The following RBFOX3 variants were observed in gnomAD, a reference collection of about 807,000 sequenced individuals.
RBFOX3 encodes the protein RNA binding protein fox-1 homolog 3.
Under a neutral mutation model 48.7 loss-of-function variants are expected in RBFOX3, and 17 were observed. The ratio of observed to expected loss-of-function variants is 0.35; its 90% confidence interval spans 0.24 to 0.52. The LOEUF (loss-of-function observed/expected upper bound fraction) is 0.52. RBFOX3 is among the 20% of genes least tolerant of loss of function. The pLI is 0.94. For missense variants in RBFOX3, 382 were observed against 497.5 expected (o/e 0.77, Z 2.21); for synonymous variants, 212 against 209.5 (o/e 1.01, Z -0.10).
chr17:79,144,286 C>A (rs980258777), intron 4 of RBFOX3, among the ~76,000 whole-genome samples: 2 of 152,264 alleles, frequency 1.3e-5, no homozygotes, highest in Non-Finnish European at 2.9e-5. Context: ...CCCGCTCTAC[C>A]CCCGCCCCAT....
At chr17:79,627,244 G>A in the RBFOX3 span, among the ~76,000 whole-genome samples, 1 of 152,160 alleles carries the variant, frequency 6.6e-6, no homozygotes, top group Non-Finnish European at 1.5e-5. Context: ...TTTGACCAGT[G>A]CCTCCACCTG....
At chr17:79,539,873 A>G (rs1323926679) in intron 1 of RBFOX3, among the ~76,000 whole-genome samples, 1 of 152,234 alleles carries the variant, frequency 6.6e-6, no homozygotes, top group Non-Finnish European at 1.5e-5. Flanking sequence ...TGAATCTCAG[A>G]TGAACACGGT....
intron 2 of RBFOX3, among the ~76,000 whole-genome samples, chr17:79,426,770 T>C (rs986256400): frequency 2.6e-5 from 4 of 152,146 alleles, no homozygotes; most frequent in Admixed American, 6.5e-5. Context: ...AGTGGTGTGA[T>C]CTTAGCTCAC....
intron 4 of RBFOX3, among the ~76,000 whole-genome samples, chr17:79,189,961 C>A (rs1567812487): frequency 6.6e-6 from 1 of 152,246 alleles, no homozygotes; most frequent in Non-Finnish European, 1.5e-5. Context: ...GCAGGGATCG[C>A]ACCAGCCAAG....
intron 2 of RBFOX3, among the ~76,000 whole-genome samples, chr17:79,320,865 C>T (rs779559049): frequency 1.1e-4 from 17 of 152,170 alleles, no homozygotes; most frequent in African/African-American, 1.7e-4. Flanking sequence ...CTGTCACCAT[C>T]GCTAACAGGT....
intron 3 of RBFOX3, among the ~76,000 whole-genome samples, chr17:79,263,592 C>A (rs2066161512): frequency 6.6e-6 from 1 of 152,108 alleles, no homozygotes; most frequent in African/African-American, 2.4e-5. Flanking sequence ...GCCACCCCCA[C>A]CTGCTCTCTA....
At chr17:79,283,168 G>C (rs1234565736) in intron 3 of RBFOX3, among the ~76,000 whole-genome samples, 1 of 152,080 alleles carries the variant, frequency 6.6e-6, no homozygotes, top group Admixed American at 6.6e-5. Flanking sequence ...CCGTTAGTAG[G>C]TTTTGCTTCC....
In RBFOX3 at chr17:79,535,184, C is replaced by T. The variant is rs2088509797; in HGVS notation, c.-319-52586G>A. On this transcript the variant is annotated intron_variant, in intron 1 of 14. Coordinates refer to ENST00000693108, the MANE Select transcript of RBFOX3 (RefSeq NM_001350451.2). The surrounding 1 kb of genome is among the most constrained non-coding windows in gnomAD (Gnocchi z 4.5). The stretch of plus-strand genomic sequence containing the variant: ...GTCCTGTCTCCTGCCTGCTCTGCTA[C>T]CCTCAATGTAGGCCTCCCCCTTGGG... Among the ~76,000 whole-genome samples, 1 of 152,172 alleles carries T rather than the reference C, an allele frequency of 6.6e-6. No individual in the cohort carries two copies. Among genetic ancestry groups the T allele is most frequent in the Non-Finnish European group, 1.5e-5 (1 of 68,034 alleles).
rs2071682981 is a variant in RBFOX3, at chr17:79,285,625, A to AGTCATATTTTGTCATATG, written c.-74+22098_-74+22099insCATATGACAAAATATGAC. ...TTCCCGAAGATCCACTGACAGTGCC[A>AGTCATATTTTGTCATATG]GAAACCACCTGCTCCTTTATCTGCT... On this transcript the variant is annotated intron_variant, in intron 3 of 14. Transcript: ENST00000693108. Among the ~76,000 whole-genome samples the AGTCATATTTTGTCATATG allele has an allele frequency of 2.0e-5, 3 of 152,168 alleles. No homozygotes were observed. The South Asian group carries it at 6.2e-4, about 32-fold the overall frequency.
the RBFOX3 span, among the ~76,000 whole-genome samples, chr17:79,647,008 C>G: frequency 2.0e-5 from 3 of 151,790 alleles, no homozygotes; most frequent in Non-Finnish European, 4.4e-5. Flanking sequence ...AGGGGACAGG[C>G]CAACCCCACC....
At chr17:79,261,748 T>G (rs1415373136) in intron 3 of RBFOX3, among the ~76,000 whole-genome samples, 2 of 152,190 alleles carry the variant, frequency 1.3e-5, no homozygotes, top group Non-Finnish European at 2.9e-5. Context: ...CACGGGGACC[T>G]TGGTGTGAAA....
At chr17:79,547,879 G>T (rs145577159) in intron 1 of RBFOX3, among the ~76,000 whole-genome samples, 114 of 152,338 alleles carry the variant, frequency 7.5e-4, no homozygotes, top group Non-Finnish European at 9.1e-4. Flanking sequence ...CGGCACCCCA[G>T]TGAAGGACTC....
chr17:79,559,948 G>A (rs1008775964), intron 1 of RBFOX3, among the ~76,000 whole-genome samples: 8 of 147,820 alleles, frequency 5.4e-5, no homozygotes, highest in African/African-American at 7.6e-5. Context: ...GTGGATGGTC[G>A]GTGGTGAATG....
chr17:79,539,353 A>G (rs1392664042), intron 1 of RBFOX3, among the ~76,000 whole-genome samples: 1 of 152,254 alleles, frequency 6.6e-6, no homozygotes, highest in Non-Finnish European at 1.5e-5. Flanking sequence ...CCTTGTCTCA[A>G]AGATAAAAAT....
chr17:79,260,546 C>T (rs1446709721), intron 3 of RBFOX3, among the ~76,000 whole-genome samples: 1 of 152,190 alleles, frequency 6.6e-6, no homozygotes. Context: ...GGTGAGGGGT[C>T]AGCTGCTGGG....
In RBFOX3 at chr17:79,361,728, G is replaced by A. The variant is rs572667435; in HGVS notation, c.-174-53904C>T. Among the ~76,000 whole-genome samples, 25 of 152,362 alleles carry A rather than the reference G, an allele frequency of 1.6e-4. No individual in the cohort carries two copies. In the East Asian group the frequency reaches 4.0e-3, roughly 25 times the overall value. The stretch of plus-strand genomic sequence containing the variant: ...GCCAAGGTCATGTGTGTGTGCACAC[G>A]TGTGTGCGCTGTGCAGGGGTACCCA... On this transcript the variant is annotated intron_variant, in intron 2 of 14. Transcript: ENST00000693108. The surrounding 1 kb of genome is among the most constrained non-coding windows in gnomAD (Gnocchi z 4.5).
At chr17:79,621,145 C>T in the RBFOX3 span, among the ~76,000 whole-genome samples, 6 of 152,058 alleles carry the variant, frequency 3.9e-5, no homozygotes, top group East Asian at 1.9e-4. Context: ...ACTACAGGCA[C>T]GTGCCACCAC....
At chr17:79,611,185 C>CTCTCTCTCCGCCCTCCT (rs2093965672), upstream of RBFOX3, among the ~76,000 whole-genome samples, 52 of 14,894 alleles carry the variant, frequency 3.5e-3, 5 homozygotes, top group Non-Finnish European at 0.011. Flanking sequence ...CGCCCTCCTT[C>CTCTCTCTCCGCCCTCCT]TCTCTCTCTC....
chr17:79,561,744 G>A (rs935846170), intron 1 of RBFOX3, among the ~76,000 whole-genome samples: 17 of 152,154 alleles, frequency 1.1e-4, no homozygotes, highest in Admixed American at 2.0e-4. Context: ...AGCAACCAGC[G>A]TCCTGAGGGC....
Sources: gnomAD v4.1 joint callset for allele counts (sites outside exome capture counted in the v4.1 genomes callset) on GRCh38, gnomAD v4.1.1 for gene constraint, Gnocchi (gnomAD v3.1) non-coding constraint, MANE v1.5 for transcripts, NCBI Gene and HGNC (gene_info 2026-07-23, HGNC 2026-07-21) for gene names.